The following SNX18 variants were observed in gnomAD, a reference collection of about 807,000 sequenced individuals.
SNX18 encodes the protein sorting nexin-18.
In SNX18, 35 loss-of-function variants were observed where a neutral mutation model predicts 48.7. The ratio of observed to expected loss-of-function variants is 0.72; its 90% CI spans 0.55 to 0.95. The LOEUF (loss-of-function observed/expected upper bound fraction) is 0.95, where lower values mean the gene tolerates loss of function less well. Ranked by LOEUF, SNX18 falls within the 40% of genes least tolerant of loss-of-function variation. The pLI, the probability that SNX18 is intolerant of heterozygous loss-of-function variation, is 0.00. For missense variants in SNX18, 824 were observed against 871.0 expected, an observed-to-expected ratio of 0.95 and a Z score of 0.68; for synonymous variants, 492 against 384.7, an observed-to-expected ratio of 1.28 and a Z score of -3.26.
intron 1 of SNX18, among the ~76,000 whole-genome samples, chr5:54,523,921 G>A (rs913365929): frequency 6.6e-6 from 1 of 152,308 alleles, no homozygotes; most frequent in South Asian, 2.1e-4. Flanking sequence ...AGCCCTGAAA[G>A]GGTGGTGCCA....
the SNX18 span, among the ~76,000 whole-genome samples, chr5:54,598,250 C>A: frequency 1.3e-5 from 2 of 151,842 alleles, no homozygotes; most frequent in Non-Finnish European, 2.9e-5. Context: ...GCCCACCAAC[C>A]AAAAAAAGCC....
chr5:54,554,857 G>T, the SNX18 span, among the ~76,000 whole-genome samples: 1 of 152,316 alleles, frequency 6.6e-6, no homozygotes, highest in South Asian at 2.1e-4. Context: ...TTATATCGGG[G>T]TCTTCCTTTT....
At chr5:54,581,989 CAG>C in the SNX18 span, among the ~76,000 whole-genome samples, 1 of 152,164 alleles carries the variant, frequency 6.6e-6, no homozygotes, top group Non-Finnish European at 1.5e-5. Flanking sequence ...CAGCCCTTTG[CAG>C]AGTTTCATCT....
At chr5:54,524,130 C>T (rs1236646565) in intron 1 of SNX18, among the ~76,000 whole-genome samples, 1 of 152,188 alleles carries the variant, frequency 6.6e-6, no homozygotes, top group Non-Finnish European at 1.5e-5. Flanking sequence ...GAGAACAGGT[C>T]TGGGGCTTAC....
chr5:54,570,705 T>G, the SNX18 span, among the ~76,000 whole-genome samples: 2 of 152,154 alleles, frequency 1.3e-5, no homozygotes, highest in African/African-American at 4.8e-5. Context: ...TATCAGAACA[T>G]ACAAAGACTG....
intron 1 of SNX18, among the ~76,000 whole-genome samples, chr5:54,535,740 A>G (rs1762341074): frequency 6.6e-6 from 1 of 152,114 alleles, no homozygotes; most frequent in South Asian, 2.1e-4. Context: ...TGTAGAATGG[A>G]GAGACTTGTA....
At chr5:54,519,727 G>A in intron 1 of SNX18, 154 bp downstream of exon 1, 3 of 1,614,198 alleles carry the variant, frequency 1.9e-6, no homozygotes, top group Non-Finnish European at 2.5e-6. Flanking sequence ...TCCCTAGAGT[G>A]TAAGTTGGAT....
chr5:54,600,054 G>C, the SNX18 span, among the ~76,000 whole-genome samples: 2 of 152,100 alleles, frequency 1.3e-5, no homozygotes, highest in Non-Finnish European at 2.9e-5. Context: ...AACAAACAGA[G>C]TGGGAGAAAA....
Position 54,543,245 on chromosome 5 carries a change from C to A in SNX18, c.1688C>A (p.Ala563Asp). The change falls in exon 2 of 2, where the codon GCT (alanine) becomes GAT (aspartate). Residue 563 changes from alanine to aspartate, a missense_variant. By Grantham distance (126) the Ala-to-Asp change is moderately radical. This residue lies in a region of SNX18 where 443 missense variants were observed against 503.6 expected (regional missense o/e 0.88). Transcript: ENST00000381410. The stretch of plus-strand genomic sequence containing the variant: ...GAAGGGAAGATGGAGGTGCAGAAGG[C>A]TGACGGCATTCAGGATCGCTGTAAC... ...VEEGKMEVQK[A>D]DGIQDRCNTI... is the part of the protein sequence containing the mutation. 6.2e-7 allele frequency: 1 copy of A among 1,614,138 alleles called. No homozygotes were observed. The highest frequency in any genetic ancestry group is 1.1e-5 in the South Asian group (1 of 91,074).
At chr5:54,581,906 C>T in the SNX18 span, among the ~76,000 whole-genome samples, 1 of 152,108 alleles carries the variant, frequency 6.6e-6, no homozygotes, top group Admixed American at 6.5e-5. Context: ...AGGGGACAAA[C>T]CCAGAATCAG....
At chr5:54,562,450 A>G in the SNX18 span, among the ~76,000 whole-genome samples, 3 of 152,352 alleles carry the variant, frequency 2.0e-5, no homozygotes, top group East Asian at 1.9e-4. Flanking sequence ...TTATGCACCA[A>G]ATAACAATGT....
Position 54,518,632 on chromosome 5 carries a change from G to A in SNX18, c.680G>A (p.Arg227His), listed in dbSNP as rs1193917904. 20 of 1,558,870 alleles carry A rather than the reference G, an allele frequency of 1.3e-5. No homozygotes were observed. Among genetic ancestry groups the A allele is most frequent in the Non-Finnish European group, 1.7e-5 (20 of 1,154,834 alleles). Residue 227 changes from arginine to histidine, a missense_variant, in exon 1 of 2, where the codon CGC (arginine) becomes CAC (histidine). By Grantham distance (29) the Arg-to-His change is conservative. Around this residue, in one of 3 missense-constraint regions of SNX18, gnomAD observed 377 missense variants for 350.6 expected, o/e 1.08. Transcript: ENST00000381410. ...SGPKSSATVSRNLNRFSTFVK... is the reference protein window; with the variant it reads ...SGPKSSATVSHNLNRFSTFVK... ...CCCAAGAGCTCGGCCACCGTGAGCC[G>A]CAACCTCAATCGCTTCTCCACCTTC...
chr5:54,518,923 C>A lies in SNX18; in HGVS notation c.971C>A (p.Ala324Glu). 6.2e-7 allele frequency: 1 copy of A among 1,613,868 alleles called. No homozygotes were observed. The highest frequency in any genetic ancestry group is 8.5e-7 in the Non-Finnish European group (1 of 1,180,028). ...TTCGACTGGCTGTACGCGCGCCTGG[C>A]GGAGAAGTTCCCGGTCATCTCCGTG... ...KHFDWLYARL[A>E]EKFPVISVPH... Residue 324 changes from alanine to glutamate, a missense_variant, in exon 1 of 2, where the codon GCG becomes GAG. Transcript: ENST00000381410.
At chr5:54,541,932 A>T (rs574187645) in intron 1 of SNX18, among the ~76,000 whole-genome samples, 1 of 152,172 alleles carries the variant, frequency 6.6e-6, no homozygotes, top group African/African-American at 2.4e-5. Context: ...GCAAAACAAC[A>T]TTTCCGAAAC....
At chr5:54,614,472 C>A in the SNX18 span, among the ~76,000 whole-genome samples, 3 of 152,096 alleles carry the variant, frequency 2.0e-5, no homozygotes, top group Non-Finnish European at 4.4e-5. Flanking sequence ...GTATAATATA[C>A]ATGTTCTTTC....
At chr5:54,519,863 C>G (rs368877312) in intron 1 of SNX18, 148 of 1,531,370 alleles carry the variant, frequency 9.7e-5, no homozygotes, top group Non-Finnish European at 1.3e-4. Context: ...GAGTAATGAG[C>G]TGCTCAAATC....
the SNX18 span, among the ~76,000 whole-genome samples, chr5:54,595,383 G>A: frequency 2.2e-4 from 33 of 151,944 alleles, no homozygotes; most frequent in African/African-American, 6.5e-4. Flanking sequence ...CTACAGGCAC[G>A]CGCCACCATG....
chr5:54,626,330 T>TC, the SNX18 span, among the ~76,000 whole-genome samples: 1 of 151,180 alleles, frequency 6.6e-6, no homozygotes, highest in Non-Finnish European at 1.5e-5. Flanking sequence ...TTTCTTCTTC[T>TC]TTTTTTTTGA....
At chr5:54,550,478 T>C (rs568567552), downstream of SNX18, among the ~76,000 whole-genome samples, 20 of 152,186 alleles carry the variant, frequency 1.3e-4, no homozygotes, top group African/African-American at 4.8e-4. Flanking sequence ...CATATACCAA[T>C]ACAGAATTTT....
Sources: gnomAD v4.1 joint callset for allele counts (sites outside exome capture counted in the v4.1 genomes callset) on GRCh38, gnomAD v4.1.1 for gene constraint, gnomAD v4.1.1 regional missense constraint, MANE v1.5 for transcripts, NCBI Gene and HGNC (gene_info 2026-07-23, HGNC 2026-07-21) for gene names.